PRPH: variants seen among roughly 807,000 people sequenced by gnomAD.
PRPH encodes peripherin.
Under a neutral mutation model 52.6 loss-of-function variants are expected in PRPH, and 48 were observed. The ratio of observed to expected loss-of-function variants is 0.91; its 90% CI spans 0.72 to 1.16. The LOEUF (loss-of-function observed/expected upper bound fraction) is 1.16. Ranked by LOEUF, PRPH falls within the 50% of genes most tolerant of loss-of-function variation. PRPH has a pLI of 0.00. For missense variants in PRPH, 579 were observed against 635.7 expected (o/e 0.91, Z 0.96); for synonymous variants, 279 against 283.8 (o/e 0.98, Z 0.17).
Position 49,295,582 on chromosome 12 carries a change from G to T in PRPH, c.382G>T (p.Glu128Ter), listed in dbSNP as rs1405845181. The T allele has an allele frequency of 3.6e-5, 56 of 1,559,950 alleles. No individual in the cohort carries two copies. Among genetic ancestry groups the T allele is most frequent in the Non-Finnish European group, 4.8e-5 (55 of 1,152,550 alleles). Reference protein sequence around the residue: ...LEQQNAALRGELSQARGQEPA... With the variant: ...LEQQNAALRG ...GCAGCAGAACGCGGCCCTGCGCGGG[G>T]AGCTGAGCCAAGCCCGGGGCCAGGA... The change falls in exon 1 of 9, where the codon GAG (glutamate) becomes TAG (stop). Residue 128 changes from glutamate (E) to a stop codon, truncating the protein, a stop_gained. Coordinates refer to ENST00000257860, the MANE Select transcript of PRPH (RefSeq NM_006262.4). LOFTEE classifies it high-confidence loss of function.
Position 49,295,480 on chromosome 12 carries a change from C to T in PRPH, c.280C>T (p.Arg94Cys). 4 of 1,609,338 alleles carry T rather than the reference C, an allele frequency of 2.5e-6. No homozygotes were observed. Among genetic ancestry groups the T allele is most frequent in the East Asian group, 2.2e-5 (1 of 44,744 alleles). Residue 94 changes from arginine to cysteine, a missense_variant, in exon 1 of 9, where the codon CGC becomes TGC. Coordinates refer to ENST00000257860, the MANE Select transcript of PRPH (RefSeq NM_006262.4). Reference protein sequence around the residue: ...EALNQEFLATRSNEKQELQEL... With the variant: ...EALNQEFLATCSNEKQELQEL... The stretch of plus-strand genomic sequence containing the variant: ...CCTCAACCAGGAGTTCCTGGCCACG[C>T]GCAGCAACGAGAAGCAGGAGCTGCA...
Position 49,296,081 on chromosome 12 carries a change from C to A in PRPH, c.546-97C>A. 1 of 1,403,966 alleles carries A rather than the reference C, an allele frequency of 7.1e-7. No homozygotes were observed. The highest frequency in any genetic ancestry group is 9.8e-7 in the Non-Finnish European group (1 of 1,019,866). The allele number at this position is 1,403,966 out of a possible 1,614,324, so 87.0% of individuals were successfully genotyped here. A position where few individuals can be genotyped will look rare whatever the true frequency, so the allele number is the denominator to read the frequency against. On this transcript the variant is annotated intron_variant, in intron 1 of 8. Coordinates refer to ENST00000257860, the MANE Select transcript of PRPH (RefSeq NM_006262.4). The surrounding 1 kb of genome is among the most constrained non-coding windows in gnomAD (Gnocchi z 5.1). Reference sequence around the variant, plus strand: ...GCCCTCCATTTAGAGTCCTGGGCAGCAGAACAGCCTCTAACCGGATCCTGG... The same window carrying A: ...GCCCTCCATTTAGAGTCCTGGGCAGAAGAACAGCCTCTAACCGGATCCTGG...
At position 49,295,606 on chromosome 12, in the gene PRPH, G is replaced by C; in HGVS notation, c.406G>C (p.Glu136Gln). 2 of 1,548,982 alleles carry C rather than the reference G, an allele frequency of 1.3e-6. No homozygotes were observed. Among genetic ancestry groups the C allele is most frequent in the Non-Finnish European group, 1.7e-6 (2 of 1,146,982 alleles). ...RGELSQARGQ[E>Q]PARADQLCQQ... The stretch of plus-strand genomic sequence containing the variant: ...GGAGCTGAGCCAAGCCCGGGGCCAG[G>C]AGCCGGCGCGCGCCGACCAGCTGTG... Residue 136 changes from glutamate (E) to glutamine (Q), a missense_variant, in exon 1 of 9, where the codon GAG (glutamate) becomes CAG (glutamine). Transcript: ENST00000257860.
At position 49,297,372 on chromosome 12, in the gene PRPH, A is replaced by G. The variant is rs1356654705; in HGVS notation, c.1012A>G (p.Arg338Gly). 1 of 1,613,634 alleles carries G rather than the reference A, an allele frequency of 6.2e-7. No homozygotes were observed. The highest frequency in any genetic ancestry group is 1.3e-5 in the African/African-American group (1 of 75,048). The change falls in exon 6 of 9, where the codon AGG (arginine) becomes GGG (glycine). Residue 338 changes from arginine (R) to glycine (G), a missense_variant. Coordinates refer to ENST00000257860, the MANE Select transcript of PRPH (RefSeq NM_006262.4). The surrounding 1 kb of genome is among the most constrained non-coding windows in gnomAD (Gnocchi z 4.4). ...GLRGTNEALL[R>G]QLRELEEQFA... ...CCTACCCCAGAACGAGGCGCTGCTC[A>G]GGCAGTTGAGAGAGCTGGAGGAGCA...
In PRPH at chr12:49,296,388, G is replaced by T; in HGVS notation, c.607-44G>T. On this transcript the variant is annotated intron_variant, in intron 2 of 8. Coordinates refer to ENST00000257860, the MANE Select transcript of PRPH (RefSeq NM_006262.4). The surrounding 1 kb of genome is among the most constrained non-coding windows in gnomAD (Gnocchi z 5.1). ...AAGGCCTGGTCCTTCCTTGGTCTGC[G>T]CAGCCCCTAACTTATCTTGAACCTC... 6.3e-7 allele frequency: 1 copy of T among 1,599,612 alleles called. No homozygotes were observed. Among genetic ancestry groups the T allele is most frequent in the Non-Finnish European group, 8.6e-7 (1 of 1,167,542 alleles).
rs1943193282 is a variant in PRPH, at chr12:49,297,135, C to G, written c.871-13C>G. 1 of 1,613,852 alleles carries G rather than the reference C, an allele frequency of 6.2e-7. No homozygotes were observed. The highest frequency in any genetic ancestry group is 1.3e-5 in the African/African-American group (1 of 74,918). On this transcript the variant is annotated splice_polypyrimidine_tract_variant and intron_variant, in intron 4 of 8. Transcript: ENST00000257860. The surrounding 1 kb of genome is among the most constrained non-coding windows in gnomAD (Gnocchi z 4.4). ...CCCAGCCGACTAAAGCCTGGGTTAC[C>G]CCCACTTCTCAGTACGCGGACCTGT...
chr12:49,295,731 G>C lies in PRPH; in HGVS notation c.531G>C (p.Ala177=). 2 of 1,514,560 alleles carry C rather than the reference G, an allele frequency of 1.3e-6. No individual in the cohort carries two copies. Among genetic ancestry groups the C allele is most frequent in the Non-Finnish European group, 1.8e-6 (2 of 1,137,860 alleles). 93.8% of individuals were successfully genotyped at this position (1,514,560 alleles called of 1,614,324 possible). A position where few individuals can be genotyped will look rare whatever the true frequency, so the allele number is the denominator to read the frequency against. ...VERDGLAEDL[A]ALKQRLEEET... is the part of the protein sequence containing the mutation. ...GCGACGGGCTGGCGGAGGACCTGGCGGCGCTCAAGCAGAGGTCAGGGGGCA... is the reference window on the plus strand; with the variant it reads ...GCGACGGGCTGGCGGAGGACCTGGCCGCGCTCAAGCAGAGGTCAGGGGGCA... The change falls in exon 1 of 9, where the codon GCG becomes GCC. Residue 177 remains alanine (A), a synonymous_variant. Coordinates refer to ENST00000257860, the MANE Select transcript of PRPH (RefSeq NM_006262.4).
Position 49,296,652 on chromosome 12 carries a change from C to T in PRPH, c.702+125C>T. 2 of 1,115,414 alleles carry T rather than the reference C, an allele frequency of 1.8e-6. No individual in the cohort carries two copies. Among genetic ancestry groups the T allele is most frequent in the Admixed American group, 2.0e-5 (1 of 50,358 alleles). 69.1% of individuals were successfully genotyped at this position (1,115,414 alleles called of 1,614,324 possible). The stretch of plus-strand genomic sequence containing the variant: ...TGCTGGGTAGACGCAGCCCCTCCAC[C>T]CTAGTCTACAGGTGGTTAGACTCCC... On this transcript the variant is annotated intron_variant, in intron 3 of 8. Coordinates refer to ENST00000257860, the MANE Select transcript of PRPH (RefSeq NM_006262.4). This position sits in a 1 kb window ranked among gnomAD's most constrained non-coding sequence, Gnocchi z 5.1.
Position 49,296,024 on chromosome 12 carries a change from A to G in PRPH, c.546-154A>G, listed in dbSNP as rs1279891622. 3 of 1,335,532 alleles carry G rather than the reference A, an allele frequency of 2.2e-6. No homozygotes were observed. The highest frequency in any genetic ancestry group is 2.6e-5 in the South Asian group (2 of 77,726). 82.7% of individuals were successfully genotyped at this position (1,335,532 alleles called of 1,614,324 possible). A position where few individuals can be genotyped will look rare whatever the true frequency, so the allele number is the denominator to read the frequency against. ...CTTTTCAGCTCCCAGTCCGTTAGAG[A>G]CAATGCGGGGCAATTCCATTAGACA... On this transcript the variant is annotated intron_variant, in intron 1 of 8. Transcript: ENST00000257860. The surrounding 1 kb of genome is among the most constrained non-coding windows in gnomAD (Gnocchi z 5.1).
At position 49,298,015 on chromosome 12, in the gene PRPH, C is replaced by G. The variant is rs750734860; in HGVS notation, c.1325C>G (p.Thr442Ser). ...AGCCGGAAGACGGTTCTGATCAAGA[C>G]CATTGAGACCCGGAATGGGGAGGTG... is the stretch of plus-strand genomic sequence containing the variant. ...SHSRKTVLIK[T>S]IETRNGEVVT... is the part of the protein sequence containing the mutation. The change falls in exon 8 of 9, where the codon ACC (threonine) becomes AGC (serine). Residue 442 changes from threonine to serine, a missense_variant. Transcript: ENST00000257860. The G allele has an allele frequency of 1.2e-6, 2 of 1,614,202 alleles. No individual in the cohort carries two copies. Among genetic ancestry groups the G allele is most frequent in the Non-Finnish European group, 1.7e-6 (2 of 1,180,016 alleles).
rs749320316 is a variant in PRPH at position 49,297,427 on chromosome 12, C to A, written c.1067C>A (p.Ala356Glu). 8 of 1,609,716 alleles carry A rather than the reference C, an allele frequency of 5.0e-6. No homozygotes were observed. In the African/African-American group the frequency reaches 6.7e-5, roughly 13 times the overall value. ...GCCCTGGAGGCGGGGGGCTACCAGGCGGGCGCTGCGCGGCTCGAGGAGGAG... is the reference window on the plus strand; with the variant it reads ...GCCCTGGAGGCGGGGGGCTACCAGGAGGGCGCTGCGCGGCTCGAGGAGGAG... Reference protein sequence around the residue: ...QFALEAGGYQAGAARLEEELR... With the variant: ...QFALEAGGYQEGAARLEEELR... The change falls in exon 6 of 9, where the codon GCG becomes GAG. Residue 356 changes from alanine (A) to glutamate (E), a missense_variant. Coordinates refer to ENST00000257860, the MANE Select transcript of PRPH (RefSeq NM_006262.4). The surrounding 1 kb of genome is among the most constrained non-coding windows in gnomAD (Gnocchi z 4.4).
Position 49,296,516 on chromosome 12 carries a change from C to G in PRPH, c.691C>G (p.Leu231Val), listed in dbSNP as rs781236534. Residue 231 changes from leucine to valine, a missense_variant, in exon 3 of 9, where the codon CTG (leucine) becomes GTG (valine). Coordinates refer to ENST00000257860, the MANE Select transcript of PRPH (RefSeq NM_006262.4). This position sits in a 1 kb window ranked among gnomAD's most constrained non-coding sequence, Gnocchi z 5.1. Reference protein sequence around the residue: ...LMDEIEFLKKLHEEELRDLQV... With the variant: ...LMDEIEFLKKVHEEELRDLQV... ...GGATGAGATTGAGTTCCTCAAGAAG[C>G]TGCACGAGGAGGTAAGTGGGCCCGG... 6.2e-7 allele frequency: 1 copy of G among 1,614,114 alleles called. No individual in the cohort carries two copies. Among genetic ancestry groups the G allele is most frequent in the Non-Finnish European group, 8.5e-7 (1 of 1,180,006 alleles).
rs759875642 is a variant in PRPH, at chr12:49,298,362, G to A, written c.*9G>A. The A allele has an allele frequency of 1.2e-6, 2 of 1,614,068 alleles. No individual in the cohort carries two copies. Among genetic ancestry groups the A allele is most frequent in the East Asian group, 2.2e-5 (1 of 44,874 alleles). On this transcript the variant is annotated 3_prime_UTR_variant, in exon 9 of 9. Coordinates refer to ENST00000257860, the MANE Select transcript of PRPH (RefSeq NM_006262.4). The stretch of plus-strand genomic sequence containing the variant: ...CTGCCCACAGTTACTGAACCCCTTG[G>A]TCCGGAGCCTTGACTCTGCCCTAGG...
rs768401768 is a variant in PRPH at position 49,296,461 on chromosome 12, GGA to G, written c.637_638del (p.Glu213ThrfsTer6). On this transcript the variant is annotated frameshift_variant, in exon 3 of 9. Transcript: ENST00000257860. LOFTEE classifies it high-confidence loss of function. This position sits in a 1 kb window ranked among gnomAD's most constrained non-coding sequence, Gnocchi z 5.1. ...TGGACGATGCCACTCTGTCCCGCCT[GGA>G]ACTAGAGCGCAAGATTGAGTCTCTG... ...DVDDATLSRL[E>X]LERKIESLMD... is the part of the protein sequence containing the mutation. 3.4e-5 allele frequency: 55 copies of G among 1,614,094 alleles called. No homozygotes were observed. Among genetic ancestry groups the G allele is most frequent in the South Asian group, 1.6e-4 (15 of 91,086 alleles).
In PRPH at chr12:49,295,549, T is replaced by C. The variant is rs769037340; in HGVS notation, c.349T>C (p.Phe117Leu). The change falls in exon 1 of 9, where the codon TTT becomes CTT. Residue 117 changes from phenylalanine (F) to leucine (L), a missense_variant. Phe to Leu is a conservative substitution (Grantham distance 22). Transcript: ENST00000257860. ...CGCCAACTTCATCGAGAAGGTACGC[T>C]TTCTGGAGCAGCAGAACGCGGCCCT... The part of the protein sequence containing the change: ...RFANFIEKVR[F>L]LEQQNAALRG... The C allele has an allele frequency of 3.3e-5, 52 of 1,583,296 alleles. No homozygotes were observed. The highest frequency in any genetic ancestry group is 4.2e-5 in the Non-Finnish European group (49 of 1,165,140).
At position 49,297,079 on chromosome 12, in the gene PRPH, C is replaced by A; in HGVS notation, c.870+23C>A. On this transcript the variant is annotated intron_variant, in intron 4 of 8. Coordinates refer to ENST00000257860, the MANE Select transcript of PRPH (RefSeq NM_006262.4). This position sits in a 1 kb window ranked among gnomAD's most constrained non-coding sequence, Gnocchi z 4.4. ...AAGGTGCAAGAGCCGGGAGGGCCTG[C>A]GAGGCGGGACGCTGGGGTGGTGTCG... 2 of 1,613,802 alleles carry A rather than the reference C, an allele frequency of 1.2e-6. No homozygotes were observed. The highest frequency in any genetic ancestry group is 1.7e-6 in the Non-Finnish European group (2 of 1,179,940).
Position 49,296,728 on chromosome 12 carries a change from G to A in PRPH, c.703-161G>A. On this transcript the variant is annotated intron_variant, in intron 3 of 8. Transcript: ENST00000257860. The surrounding 1 kb of genome is among the most constrained non-coding windows in gnomAD (Gnocchi z 5.1). ...AGCGGGGCTGTACCTCCGAAACCTG[G>A]CCTCTGGTCTCGCGCCCGCGGGGGC... The A allele has an allele frequency of 8.0e-7, 1 of 1,245,002 alleles. No individual in the cohort carries two copies. Among genetic ancestry groups the A allele is most frequent in the Non-Finnish European group, 1.1e-6 (1 of 899,908 alleles). 77.1% of individuals were successfully genotyped at this position (1,245,002 alleles called of 1,614,324 possible).
chr12:49,295,253 G>A lies in PRPH; in HGVS notation c.53G>A (p.Arg18His). The change falls in exon 1 of 9, where the codon CGC becomes CAC. Residue 18 changes from arginine to histidine, a missense_variant. Arg to His is a conservative substitution (Grantham distance 29, BLOSUM62 0). Coordinates refer to ENST00000257860, the MANE Select transcript of PRPH (RefSeq NM_006262.4). ...LRAGFSSTSY[R>H]RTFGPPPSLS... ...GCCGGCTTCAGCTCCACCTCATACC[G>A]CCGTACCTTCGGTCCACCGCCCTCA... 2.5e-6 allele frequency: 4 copies of A among 1,611,722 alleles called. No individual in the cohort carries two copies. The highest frequency in any genetic ancestry group is 3.4e-6 in the Non-Finnish European group (4 of 1,179,640).
chr12:49,298,075 C>A, intron 8 of PRPH, 38 bp downstream of exon 8: 1 of 1,601,274 alleles, frequency 6.2e-7, no homozygotes, highest in African/African-American at 1.3e-5. Context: ...CCCACCATTT[C>A]CCATATTATT....
Sources: gnomAD v4.1 joint callset for allele counts on GRCh38, gnomAD v4.1.1 for gene constraint, Gnocchi (gnomAD v3.1) non-coding constraint, MANE v1.5 for transcripts, NCBI Gene and HGNC (gene_info 2026-07-23, HGNC 2026-07-21) for gene names.